HAAO: variants seen among roughly 807,000 people sequenced by gnomAD.
HAAO encodes the protein 3-hydroxyanthranilate 3,4-dioxygenase, also known as 3-hydroxyanthranilate oxygenase.
A neutral mutation model predicts 46.2 loss-of-function variants in HAAO; 49 were observed. The ratio of observed to expected loss-of-function variants is 1.06; its 90% CI spans 0.84 to 1.34. HAAO has a LOEUF of 1.34. Among genes scored for constraint, HAAO ranks in the 40% most tolerant of loss-of-function variants. HAAO has a pLI of 0.00. For synonymous variants in HAAO, 157 were observed against 145.2 expected (o/e 1.08, Z -0.58); for missense variants, 408 against 364.5 (o/e 1.12, Z -0.97).
At chr2:42,784,776 C>T (rs1395725908) in intron 2 of HAAO, among the ~76,000 whole-genome samples, 1 of 152,232 alleles carries the variant, frequency 6.6e-6, no homozygotes, top group Non-Finnish European at 1.5e-5. Context: ...CTGCAGTCTG[C>T]CACTAGGCAC....
At chr2:42,790,063 G>C (rs1672674300) in intron 1 of HAAO, among the ~76,000 whole-genome samples, 1 of 152,166 alleles carries the variant, frequency 6.6e-6, no homozygotes, top group South Asian at 2.1e-4. Context: ...TGGATGGCAG[G>C]GGAGGGGCTA....
At chr2:42,778,852 G>A (rs1336208198) in intron 4 of HAAO, among the ~76,000 whole-genome samples, 1 of 152,000 alleles carries the variant, frequency 6.6e-6, no homozygotes, top group Non-Finnish European at 1.5e-5. Context: ...GGTGGCTCAC[G>A]CCTCTAATTC....
chr2:42,783,851 T>A lies in HAAO; in HGVS notation c.176A>T (p.Glu59Val). The A allele has an allele frequency of 6.2e-7, 1 of 1,611,294 alleles. No homozygotes were observed. Among genetic ancestry groups the A allele is most frequent in the Non-Finnish European group, 8.5e-7 (1 of 1,178,798 alleles). ...EEGEEVFYQL[E>V]GDMVLRVLEQ... is the part of the protein sequence containing the mutation. ...CAGGACTCGGAGAACCATGTCTCCC[T>A]CCAGCTGGTAAAATACCTGTGGGAC... The change falls in exon 3 of 10, where the codon GAG (glutamate) becomes GTG (valine). Residue 59 changes from glutamate to valine, a missense_variant. Coordinates refer to ENST00000294973, the MANE Select transcript of HAAO (RefSeq NM_012205.3).
At chr2:42,790,545 T>A (rs59491387) in intron 1 of HAAO, among the ~76,000 whole-genome samples, 17,798 of 76,760 alleles carry the variant, frequency 0.23, 1,409 homozygotes, top group Middle Eastern at 0.28. Flanking sequence ...TTTTTTTTTT[T>A]TTTTTCAGAT....
chr2:42,768,927 C>G (rs1367491383), intron 7 of HAAO, among the ~76,000 whole-genome samples: 3 of 152,212 alleles, frequency 2.0e-5, no homozygotes, highest in Non-Finnish European at 1.5e-5. Flanking sequence ...CAGGCTGTTT[C>G]AAGCCTGAAA....
At chr2:42,772,595 G>T (rs1488994758) in intron 4 of HAAO, among the ~76,000 whole-genome samples, 2 of 151,990 alleles carry the variant, frequency 1.3e-5, no homozygotes, top group African/African-American at 4.8e-5. Context: ...TTGGTGACAG[G>T]ACAATTTTTT....
At chr2:42,777,354 A>T (rs962853866) in intron 4 of HAAO, among the ~76,000 whole-genome samples, 1 of 151,800 alleles carries the variant, frequency 6.6e-6, no homozygotes, top group Non-Finnish European at 1.5e-5. Flanking sequence ...AGAATGTGAA[A>T]GTCTAAGATA....
intron 1 of HAAO, among the ~76,000 whole-genome samples, chr2:42,790,532 G>GTTT (rs377653350): frequency 6.8e-6 from 1 of 146,800 alleles, no homozygotes; most frequent in Non-Finnish European, 1.5e-5. Context: ...TGGAAAGTTT[G>GTTT]TTTTTTTTTT....
chr2:42,791,154 C>G (rs956901435), intron 1 of HAAO, among the ~76,000 whole-genome samples: 1 of 152,130 alleles, frequency 6.6e-6, no homozygotes, highest in African/African-American at 2.4e-5. Context: ...GTAGGGTGAG[C>G]CCCTGATCCA....
At chr2:42,767,730 G>T in intron 8 of HAAO, 53 bp from the exon 9 acceptor site, 1 of 1,546,190 alleles carries the variant, frequency 6.5e-7, no homozygotes, top group Non-Finnish European at 8.9e-7. Context: ...CTCATCACCT[G>T]GGTGAATGTC....
Position 42,792,568 on chromosome 2 carries a change from C to A in HAAO, c.-32G>T. On this transcript the variant is annotated 5_prime_UTR_variant, in exon 1 of 10. Transcript: ENST00000294973. ...CCCGGGCGCCTCCTCGCAGCGCTGT[C>A]CTCCCGCCGTCGGAGGCCCGCAGCT... 6.7e-7 allele frequency: 1 copy of A among 1,487,020 alleles called. No homozygotes were observed. Among genetic ancestry groups the A allele is most frequent in the East Asian group, 2.6e-5 (1 of 38,156 alleles). 92.1% of individuals were successfully genotyped at this position (1,487,020 alleles called of 1,614,324 possible).
At chr2:42,776,472 A>C (rs1009909209) in intron 4 of HAAO, among the ~76,000 whole-genome samples, 2 of 151,548 alleles carry the variant, frequency 1.3e-5, no homozygotes, top group African/African-American at 4.9e-5. Flanking sequence ...TCCTGACCTC[A>C]GATGATCCGC....
intron 8 of HAAO, 91 bp downstream of exon 8, chr2:42,767,769 G>A (rs982965306): frequency 4.0e-5 from 62 of 1,540,120 alleles, no homozygotes; most frequent in Non-Finnish European, 5.1e-5. Flanking sequence ...AAGGCCCCAA[G>A]AGTGGGCCCC....
intron 4 of HAAO, among the ~76,000 whole-genome samples, chr2:42,770,901 A>G (rs559132442): frequency 6.6e-6 from 1 of 152,368 alleles, no homozygotes; most frequent in African/African-American, 2.4e-5. Flanking sequence ...GCCAAGGATT[A>G]CACAGCCTGT....
At chr2:42,771,217 A>AAATAAT (rs149399688) in intron 4 of HAAO, among the ~76,000 whole-genome samples, 52 of 150,700 alleles carry the variant, frequency 3.5e-4, no homozygotes, top group African/African-American at 1.1e-3. Context: ...TCTCTACTAA[A>AAATAAT]AATAATAATA....
At chr2:42,775,205 C>G (rs9941500) in intron 4 of HAAO, among the ~76,000 whole-genome samples, 24,162 of 146,678 alleles carry the variant, frequency 0.16, 3,193 homozygotes, top group African/African-American at 0.34. Context: ...CGAGATTGCA[C>G]CACTACACTT....
At chr2:42,767,783 T>C in intron 8 of HAAO, 77 bp downstream of exon 8, 3 of 1,550,096 alleles carry the variant, frequency 1.9e-6, no homozygotes, top group Non-Finnish European at 2.7e-6. Context: ...GGGCCCCGTG[T>C]GGGAGCCCAG....
chr2:42,770,366 C>T, intron 5 of HAAO, 127 bp downstream of exon 5: 1 of 902,856 alleles, frequency 1.1e-6, no homozygotes, highest in Non-Finnish European at 1.7e-6. Context: ...CCCCCCTCCC[C>T]CCGGCCTGGC....
At chr2:42,778,186 G>C (rs1381293588) in intron 4 of HAAO, among the ~76,000 whole-genome samples, 1 of 150,450 alleles carries the variant, frequency 6.6e-6, no homozygotes, top group East Asian at 1.9e-4. Context: ...TAAGTTTTCG[G>C]TTGCTTAGGA....
Sources: allele counts gnomAD v4.1 joint callset (sites outside exome capture counted in the v4.1 genomes callset), GRCh38; gene constraint gnomAD v4.1.1; transcripts MANE v1.5; gene names NCBI Gene and HGNC (gene_info 2026-07-23, HGNC 2026-07-21).